The following CFAP47 variants were observed in gnomAD, a reference collection of about 807,000 sequenced individuals.
CFAP47 encodes cilia and flagella associated protein 47, also known as cilia- and flagella-associated protein 47.
CFAP47 carries 29 observed loss-of-function variants against 148.1 expected under a neutral mutation model. That is an observed-to-expected ratio of 0.20 (90% CI 0.15 to 0.27). The LOEUF is 0.27. CFAP47 is among the 10% of genes least tolerant of loss of function. The pLI is 1.00. For synonymous variants in CFAP47, 664 were observed against 577.3 expected, an observed-to-expected ratio of 1.15 and a Z score of -2.15; for missense variants, 1,872 against 1,697.5, an observed-to-expected ratio of 1.10 and a Z score of -1.81.
chrX:35,941,483 A>C, intron 3 of CFAP47, 85 bp downstream of exon 3: 1 of 480,382 alleles, frequency 2.1e-6, no homozygotes, highest in Non-Finnish European at 3.3e-6. Flanking sequence ...AGATTACCTA[A>C]TTTAACTGAA....
At chrX:36,319,700 A>G (rs1435171673) in intron 57 of CFAP47, among the ~76,000 whole-genome samples, 3 of 111,583 alleles carry the variant, frequency 2.7e-5, no homozygotes, top group African/African-American at 9.8e-5. Flanking sequence ...TAGTATCAGT[A>G]GTTTTAATAC....
intron 2 of CFAP47, among the ~76,000 whole-genome samples, chrX:35,927,619 ATG>A (rs1293251362): frequency 9.4e-6 from 1 of 106,131 alleles, no homozygotes; most frequent in East Asian, 2.9e-4. Flanking sequence ...GTGTGTGTGT[ATG>A]TGTGTGTGCA....
At chrX:36,133,325 T>A (rs1938983097) in intron 33 of CFAP47, among the ~76,000 whole-genome samples, 1 of 111,122 alleles carries the variant, frequency 9.0e-6, no homozygotes. Flanking sequence ...CATTTAGTGT[T>A]GCTGTAACAG....
intron 22 of CFAP47, among the ~76,000 whole-genome samples, chrX:36,030,003 A>C (rs1309093785): frequency 9.1e-6 from 1 of 110,430 alleles, no homozygotes; most frequent in African/African-American, 3.3e-5. Flanking sequence ...CATTTTCACT[A>C]CTTTTACTGA....
At chrX:35,981,841 C>G (rs1454685973) in intron 15 of CFAP47, among the ~76,000 whole-genome samples, 1 of 111,932 alleles carries the variant, frequency 8.9e-6, no homozygotes, top group Non-Finnish European at 1.9e-5. Flanking sequence ...AAGGTTGCCG[C>G]AAAGGCCATG....
intron 51 of CFAP47, among the ~76,000 whole-genome samples, chrX:36,286,409 G>C (rs1410782048): frequency 1.9e-5 from 2 of 103,893 alleles, no homozygotes; most frequent in African/African-American, 6.9e-5. Context: ...TTGAACTTTG[G>C]TTCCAATAAA....
chrX:36,037,445 A>C (rs766703770), intron 24 of CFAP47, among the ~76,000 whole-genome samples: 2 of 110,053 alleles, frequency 1.8e-5, no homozygotes, highest in African/African-American at 6.6e-5. Flanking sequence ...TCACTGCAAC[A>C]TTTACTTCCC....
At chrX:36,334,534 A>G (rs1262824644) in intron 57 of CFAP47, among the ~76,000 whole-genome samples, 1 of 111,399 alleles carries the variant, frequency 9.0e-6, no homozygotes, top group African/African-American at 3.3e-5. Flanking sequence ...ACCCAATTTT[A>G]TGTCTCTCCT....
At chrX:36,022,465 GGCTTAAATCT>G (rs1201281906) in intron 22 of CFAP47, among the ~76,000 whole-genome samples, 1 of 109,782 alleles carries the variant, frequency 9.1e-6, no homozygotes, top group Non-Finnish European at 1.9e-5. Context: ...AGTCTTCTTT[GGCTTAAATCT>G]GCTTGGTGTT....
intron 57 of CFAP47, among the ~76,000 whole-genome samples, chrX:36,336,244 GAC>G (rs781925226): frequency 0.25 from 16,493 of 65,325 alleles, 1,636 homozygotes; most frequent in Non-Finnish European, 0.3. Context: ...CAGACACACA[GAC>G]ACACACACAC....
chrX:35,950,467 G>T (rs6632424), intron 4 of CFAP47, among the ~76,000 whole-genome samples: 20,761 of 110,608 alleles, frequency 0.19, 1,645 homozygotes, highest in African/African-American at 0.29. Flanking sequence ...CCATGCTCCA[G>T]CAATTCCCCT....
intron 1 of CFAP47, among the ~76,000 whole-genome samples, chrX:35,924,400 C>T (rs749647921): frequency 9.7e-6 from 1 of 102,716 alleles, no homozygotes; most frequent in Non-Finnish European, 2.0e-5. Flanking sequence ...TGTATATATG[C>T]ACACACATAT....
chrX:36,253,466 G>A (rs1555998522), intron 49 of CFAP47, among the ~76,000 whole-genome samples: 2 of 111,353 alleles, frequency 1.8e-5, no homozygotes, highest in African/African-American at 6.5e-5. Context: ...CTAATCTGAA[G>A]TGATATAAAG....
At chrX:36,144,872 C>T in intron 35 of CFAP47, 1 of 980,024 alleles carries the variant, frequency 1.0e-6, no homozygotes, top group Non-Finnish European at 1.3e-6. Flanking sequence ...GGGCTTTCAG[C>T]CTTCGGCCTC....
chrX:36,198,875 CT>C (rs1205152284), intron 42 of CFAP47, among the ~76,000 whole-genome samples: 2 of 111,431 alleles, frequency 1.8e-5, no homozygotes, highest in Middle Eastern at 4.6e-3. Flanking sequence ...TAGTTGGGAT[CT>C]TAGAATTTTA....
At position 36,104,630 on chromosome X, in the gene CFAP47, TA is replaced by T; in HGVS notation, c.5260del (p.Ser1754ValfsTer3). The T allele has an allele frequency of 1.1e-6, 1 of 924,178 alleles. No homozygotes were observed. The highest frequency in any genetic ancestry group is 1.6e-6 in the Non-Finnish European group (1 of 643,196). The allele number at this position is 924,178 out of a possible 1,213,427, so 76.2% of individuals were successfully genotyped here. On this transcript the variant is annotated frameshift_variant, in exon 33 of 64. Coordinates refer to ENST00000378653, the MANE Select transcript of CFAP47 (RefSeq NM_001304548.2). LOFTEE classifies it high-confidence loss of function. ...IYSDSERILL[S>X]WMNINYENTR... ...ATTCTGATTCTGAAAGAATTTTGCT[TA>T]GTTGGATGAACATAAATTATGAGAA...
chrX:36,373,177 G>A (rs868959789), intron 62 of CFAP47, among the ~76,000 whole-genome samples: 1 of 111,012 alleles, frequency 9.0e-6, no homozygotes, highest in Non-Finnish European at 1.9e-5. Flanking sequence ...TGAAAACAAG[G>A]TATTTTCCCA....
chrX:35,934,606 C>A (rs1935882713), intron 2 of CFAP47, among the ~76,000 whole-genome samples: 1 of 111,141 alleles, frequency 9.0e-6, no homozygotes, highest in Non-Finnish European at 1.9e-5. Flanking sequence ...TTACTTTTCC[C>A]TCCACTTATG....
At chrX:36,104,179 C>A (rs186206452) in intron 32 of CFAP47, among the ~76,000 whole-genome samples, 26 of 112,020 alleles carry the variant, frequency 2.3e-4, no homozygotes, top group African/African-American at 8.1e-4. Context: ...CATCTTACAT[C>A]CTTGTGTTTT....
Sources: gnomAD v4.1 joint callset for allele counts (sites outside exome capture counted in the v4.1 genomes callset) on GRCh38, gnomAD v4.1.1 for gene constraint, MANE v1.5 for transcripts, NCBI Gene and HGNC (gene_info 2026-07-23, HGNC 2026-07-21) for gene names.